The following GRHL2 variants were observed in gnomAD, a reference collection of about 807,000 sequenced individuals.
GRHL2 encodes the protein grainyhead-like protein 2 homolog.
A neutral mutation model predicts 83.8 loss-of-function variants in GRHL2; 21 were observed. The observed-to-expected ratio is 0.25, with a 90% confidence interval of 0.18 to 0.36. GRHL2 has a LOEUF of 0.36. GRHL2 is among the 10% of genes least tolerant of loss of function. The pLI, the probability that GRHL2 is intolerant of heterozygous loss-of-function variation, is 1.00. For missense variants in GRHL2, 623 were observed against 781.8 expected (o/e 0.80, Z 2.42); for synonymous variants, 280 against 278.9 (o/e 1.00, Z -0.04).
intron 14 of GRHL2, among the ~76,000 whole-genome samples, chr8:101,664,078 A>T (rs1388394011): frequency 1.3e-5 from 2 of 152,184 alleles, no homozygotes; most frequent in Non-Finnish European, 2.9e-5. Flanking sequence ...CATCTTTCAC[A>T]TGTAAATCTT....
intron 1 of GRHL2, chr8:101,542,864 C>T (rs1238965985): frequency 2.2e-6 from 1 of 458,048 alleles, no homozygotes; most frequent in African/African-American, 2.0e-5. Flanking sequence ...GAACCCACTC[C>T]TTTGATAATG....
At chr8:101,669,896 G>GTGTT (rs1048992284), downstream of GRHL2, among the ~76,000 whole-genome samples, 3 of 152,292 alleles carry the variant, frequency 2.0e-5, no homozygotes, top group South Asian at 2.1e-4. Context: ...CTTCACCCCA[G>GTGTT]TGTTAAATGT....
chr8:101,644,473 C>T (rs1225027010), intron 13 of GRHL2, among the ~76,000 whole-genome samples: 6 of 152,248 alleles, frequency 3.9e-5, no homozygotes, highest in Admixed American at 3.9e-4. Flanking sequence ...AATAAACAGA[C>T]TCATCCAGCA....
chr8:101,677,600 G>T, the GRHL2 span, among the ~76,000 whole-genome samples: 174 of 152,120 alleles, frequency 1.1e-3, no homozygotes, highest in African/African-American at 4.1e-3. Flanking sequence ...GGTAGCAGAG[G>T]TGAGTATTTA....
chr8:101,559,461 C>T (rs954118846), intron 4 of GRHL2, among the ~76,000 whole-genome samples: 18 of 151,354 alleles, frequency 1.2e-4, no homozygotes, highest in Non-Finnish European at 2.2e-4. Flanking sequence ...ACCCGGGAGG[C>T]GGAGGTTGCA....
intron 4 of GRHL2, among the ~76,000 whole-genome samples, chr8:101,563,416 G>A (rs1333495775): frequency 6.6e-5 from 10 of 151,976 alleles, no homozygotes; most frequent in African/African-American, 2.2e-4. Flanking sequence ...AGCAGGGACT[G>A]GCTCTCTGCA....
intron 1 of GRHL2, among the ~76,000 whole-genome samples, chr8:101,539,089 G>A (rs1811100812): frequency 6.6e-6 from 1 of 152,166 alleles, no homozygotes; most frequent in South Asian, 2.1e-4. Flanking sequence ...TTTCAAGAAG[G>A]AAGATTTAGG....
chr8:101,673,308 T>C (rs530347988), downstream of GRHL2, among the ~76,000 whole-genome samples: 6 of 151,914 alleles, frequency 3.9e-5, no homozygotes, highest in South Asian at 6.3e-4. Context: ...AGGAAACCCA[T>C]CTCACGTGCA....
intron 1 of GRHL2, among the ~76,000 whole-genome samples, chr8:101,516,703 G>A (rs1027266840): frequency 5.9e-5 from 9 of 152,032 alleles, no homozygotes; most frequent in Admixed American, 2.6e-4. Flanking sequence ...CACCGCACCC[G>A]GACCTATTAC....
intron 1 of GRHL2, among the ~76,000 whole-genome samples, chr8:101,496,904 A>G (rs543095): frequency 0.81 from 123,540 of 152,124 alleles, 51,680 homozygotes; most frequent in Non-Finnish European, 0.93. Context: ...TGGGTGAATC[A>G]GAGTCAGAGA....
chr8:101,566,739 A>T (rs57303553), intron 4 of GRHL2, among the ~76,000 whole-genome samples: 1 of 151,814 alleles, frequency 6.6e-6, no homozygotes, highest in Non-Finnish European at 1.5e-5. Flanking sequence ...CTCTGTTAGG[A>T]ACATTAAGGT....
chr8:101,639,734 C>G (rs776503311), intron 12 of GRHL2, among the ~76,000 whole-genome samples: 21 of 152,208 alleles, frequency 1.4e-4, no homozygotes, highest in Non-Finnish European at 3.1e-4. Context: ...ATGAGTGTGT[C>G]TGGCAGAGGG....
Position 101,668,998 on chromosome 8 carries a change from G to A in GRHL2, c.*2295G>A, listed in dbSNP as rs981802181. 6.6e-6 allele frequency: 1 copy of A among 152,216 alleles called. No homozygotes were observed. Among genetic ancestry groups the A allele is most frequent in the Non-Finnish European group, 1.5e-5 (1 of 68,030 alleles). 9.4% of individuals were successfully genotyped at this position (152,216 alleles called of 1,614,324 possible). On this transcript the variant is annotated 3_prime_UTR_variant, in exon 16 of 16. Transcript: ENST00000646743. Reference sequence around the variant, plus strand: ...AATTGCCACAAGGGATATGAGGCCAGTGCCACCAGAGGGTGGTGCCAAGTG... The same window carrying A: ...AATTGCCACAAGGGATATGAGGCCAATGCCACCAGAGGGTGGTGCCAAGTG...
intron 7 of GRHL2, among the ~76,000 whole-genome samples, chr8:101,583,686 A>T (rs1467370758): frequency 6.6e-6 from 1 of 152,248 alleles, no homozygotes; most frequent in Non-Finnish European, 1.5e-5. Context: ...ACAAATAAAA[A>T]AAGTTAACTA....
At chr8:101,658,299 C>T (rs1045416661) in intron 14 of GRHL2, among the ~76,000 whole-genome samples, 4 of 152,208 alleles carry the variant, frequency 2.6e-5, no homozygotes. Context: ...TGCCCATTTT[C>T]TCTAGCAGTT....
chr8:101,549,590 C>A (rs1369180791), intron 2 of GRHL2, among the ~76,000 whole-genome samples: 2 of 152,192 alleles, frequency 1.3e-5, no homozygotes, highest in Non-Finnish European at 1.5e-5. Flanking sequence ...GGATGCTTGA[C>A]AGTCCAGAAA....
chr8:101,623,104 G>T (rs1236544306), intron 9 of GRHL2, among the ~76,000 whole-genome samples: 1 of 152,230 alleles, frequency 6.6e-6, no homozygotes, highest in East Asian at 1.9e-4. Flanking sequence ...TTTAGCAGTG[G>T]CAGGAGAAAG....
downstream of GRHL2, among the ~76,000 whole-genome samples, chr8:101,671,857 C>T (rs4734576): frequency 5.9e-4 from 90 of 151,920 alleles, 1 homozygote; most frequent in Non-Finnish European, 1.0e-3. Flanking sequence ...GGAACGATCA[C>T]GCAGCAGCAC....
chr8:101,516,492 A>G (rs781277094), intron 1 of GRHL2, among the ~76,000 whole-genome samples: 3 of 131,052 alleles, frequency 2.3e-5, no homozygotes, highest in Non-Finnish European at 3.1e-5. Context: ...ATTATGGCTT[A>G]CTGCAACCTC....
Sources: allele counts gnomAD v4.1 joint callset (sites outside exome capture counted in the v4.1 genomes callset), GRCh38; gene constraint gnomAD v4.1.1; transcripts MANE v1.5; gene names NCBI Gene and HGNC (gene_info 2026-07-23, HGNC 2026-07-21).